Variants in KHDRBS1 observed in about 807,000 individuals in gnomAD.
KHDRBS1 encodes KH domain-containing, RNA-binding, signal transduction-associated protein 1.
In KHDRBS1, 7 loss-of-function variants were observed where a neutral mutation model predicts 48.4. The ratio of observed to expected loss-of-function variants is 0.14; its 90% CI spans 0.08 to 0.27. The LOEUF is 0.27. Ranked by LOEUF, KHDRBS1 falls within the 10% of genes least tolerant of loss-of-function variation. The pLI, the probability that KHDRBS1 is intolerant of heterozygous loss-of-function variation, is 1.00. For synonymous variants in KHDRBS1, 241 were observed against 235.8 expected (o/e 1.02, Z -0.20); for missense variants, 458 against 601.2 (o/e 0.76, Z 2.49).
At chr1:32,052,472 A>G (rs1639434713) in intron 10 of KHDRBS1, 1 of 150,542 alleles carries the variant, frequency 6.6e-6, no homozygotes, top group African/African-American at 2.5e-5. Flanking sequence ...ATCTCTGCTC[A>G]CTGCAAGCTC....
Position 32,018,417 on chromosome 1 carries a change from C to T in KHDRBS1, c.382+4040C>T, listed in dbSNP as rs527255829. ...CGGAGGTTGCAGTGAGCCAAGATCG[C>T]ACCACTGCACTCCAGCCTGGGCGAC... On this transcript the variant is annotated intron_variant, in intron 1 of 8. Coordinates refer to ENST00000327300, the MANE Select transcript of KHDRBS1 (RefSeq NM_006559.3). 1.6e-3 allele frequency among the ~76,000 whole-genome samples: 240 copies of T among 152,068 alleles called. 1 individual carries two copies. Among genetic ancestry groups the T allele is most frequent in the African/African-American group, 5.4e-3 (225 of 41,442 alleles).
chr1:32,038,129 A>G, intron 6 of KHDRBS1, 93 bp downstream of exon 6: 7 of 1,547,312 alleles, frequency 4.5e-6, no homozygotes, highest in Non-Finnish European at 6.1e-6. Context: ...TGTAGGTGTC[A>G]TGGACTGCCT....
chr1:32,054,937 A>G (rs372632866), intron 10 of KHDRBS1, among the ~76,000 whole-genome samples: 2 of 152,194 alleles, frequency 1.3e-5, no homozygotes, highest in Admixed American at 1.3e-4. Flanking sequence ...ATGATTATCC[A>G]TGGTATACAG....
chr1:32,048,508 A>G (rs371047453), downstream of KHDRBS1, among the ~76,000 whole-genome samples: 6 of 152,252 alleles, frequency 3.9e-5, no homozygotes, highest in East Asian at 1.9e-4. Context: ...TTAAAATACT[A>G]TTGGTCCCAA....
chr1:32,044,272 A>G (rs1297090902), downstream of KHDRBS1, among the ~76,000 whole-genome samples: 2 of 152,232 alleles, frequency 1.3e-5, no homozygotes, highest in Non-Finnish European at 2.9e-5. Context: ...TGTGACACCA[A>G]ATAATTTCTG....
intron 1 of KHDRBS1, among the ~76,000 whole-genome samples, chr1:32,018,625 C>T (rs1309639105): frequency 1.3e-5 from 2 of 151,418 alleles, no homozygotes; most frequent in East Asian, 3.9e-4. Context: ...GGCGCAGTGG[C>T]GGGCGCCTGT....
intron 1 of KHDRBS1, among the ~76,000 whole-genome samples, chr1:32,024,482 ATTTAT>A (rs1173559935): frequency 6.7e-6 from 1 of 149,604 alleles, no homozygotes; most frequent in Non-Finnish European, 1.5e-5. Flanking sequence ...AGCTAATTTA[ATTTAT>A]TTTTTTTTTT....
At chr1:32,040,514 C>T (rs1639263289) in intron 8 of KHDRBS1, among the ~76,000 whole-genome samples, 1 of 152,162 alleles carries the variant, frequency 6.6e-6, no homozygotes, top group South Asian at 2.1e-4. Context: ...GGCTTGAAGA[C>T]ATCAACACAG....
chr1:32,041,304 A>G (rs992494337), intron 8 of KHDRBS1, among the ~76,000 whole-genome samples: 2 of 152,216 alleles, frequency 1.3e-5, no homozygotes, highest in African/African-American at 4.8e-5. Flanking sequence ...GTGTGACTTT[A>G]GATCTGTATA....
chr1:32,028,218 A>G (rs1639012277), intron 1 of KHDRBS1, among the ~76,000 whole-genome samples: 1 of 152,180 alleles, frequency 6.6e-6, no homozygotes, highest in Non-Finnish European at 1.5e-5. Flanking sequence ...TTTTCAAAGT[A>G]TGGTCCCTGG....
chr1:32,025,967 CAG>C (rs1385547767), intron 1 of KHDRBS1, among the ~76,000 whole-genome samples: 1 of 148,600 alleles, frequency 6.7e-6, no homozygotes, highest in Non-Finnish European at 1.5e-5. Context: ...TTGGTAGAGA[CAG>C]GGTCTCGCTG....
At chr1:32,014,881 G>T (rs778898971) in intron 1 of KHDRBS1, among the ~76,000 whole-genome samples, 1 of 152,216 alleles carries the variant, frequency 6.6e-6, no homozygotes, top group African/African-American at 2.4e-5. Flanking sequence ...CCTTGCTGTC[G>T]CTGGGGCCGA....
intron 3 of KHDRBS1, 71 bp downstream of exon 3, chr1:32,031,711 C>A: frequency 2.1e-6 from 2 of 936,026 alleles, no homozygotes; most frequent in South Asian, 1.7e-5. Context: ...GTATGGATGT[C>A]TTATAGAGGC....
intron 2 of KHDRBS1, 72 bp from the exon 3 acceptor site, chr1:32,031,452 A>C: frequency 2.2e-6 from 2 of 929,560 alleles, no homozygotes; most frequent in African/African-American, 3.3e-5. Flanking sequence ...TTTAAAATCA[A>C]GTGAGGTAAT....
At position 32,038,629 on chromosome 1, in the gene KHDRBS1, G is replaced by T. The variant is rs1423423942; in HGVS notation, c.1175+10G>T. ...ACAGCCAGAGTCAAGGGTGAGTCAG[G>T]CAGTATAAGCACTGTTTTTTGTCCT... is the stretch of plus-strand genomic sequence containing the variant. On this transcript the variant is annotated intron_variant, in intron 7 of 8. Coordinates refer to ENST00000327300, the MANE Select transcript of KHDRBS1 (RefSeq NM_006559.3). The T allele has an allele frequency of 8.1e-6, 13 of 1,613,470 alleles. No individual in the cohort carries two copies. Among genetic ancestry groups the T allele is most frequent in the Non-Finnish European group, 1.0e-5 (12 of 1,179,624 alleles).
chr1:32,039,038 A>G (rs1199116400), intron 7 of KHDRBS1, among the ~76,000 whole-genome samples: 1 of 152,226 alleles, frequency 6.6e-6, no homozygotes, highest in Non-Finnish European at 1.5e-5. Flanking sequence ...TATCAAAACC[A>G]CATTAAAGCT....
At chr1:32,054,046 T>C (rs1639452503) in intron 10 of KHDRBS1, among the ~76,000 whole-genome samples, 1 of 152,092 alleles carries the variant, frequency 6.6e-6, no homozygotes, top group Admixed American at 6.5e-5. Context: ...ATAGCGCCAT[T>C]GCACACAACA....
intron 3 of KHDRBS1, among the ~76,000 whole-genome samples, chr1:32,032,791 G>A (rs1639105458): frequency 6.6e-6 from 1 of 152,004 alleles, no homozygotes; most frequent in South Asian, 2.1e-4. Context: ...ACGGGTTCAA[G>A]CAATTCTCCT....
rs1333698559 is a variant in KHDRBS1, at chr1:32,030,440, T to C, written c.507+18T>C. On this transcript the variant is annotated intron_variant, in intron 2 of 8. Transcript: ENST00000327300. Reference sequence around the variant, plus strand: ...ATCCCAAGGTAAGGCAAAAAGTGCTTTGGATCTTTGAGTTATCTTTATAGT... The same window carrying C: ...ATCCCAAGGTAAGGCAAAAAGTGCTCTGGATCTTTGAGTTATCTTTATAGT... 1.3e-6 allele frequency: 2 copies of C among 1,590,716 alleles called. No individual in the cohort carries two copies. Among genetic ancestry groups the C allele is most frequent in the South Asian group, 2.3e-5 (2 of 87,106 alleles).
Sources: gnomAD v4.1 joint callset for allele counts (sites outside exome capture counted in the v4.1 genomes callset) on GRCh38, gnomAD v4.1.1 for gene constraint, MANE v1.5 for transcripts, NCBI Gene and HGNC (gene_info 2026-07-23, HGNC 2026-07-21) for gene names.